The following SPATA7 variants were observed in gnomAD, a reference collection of about 807,000 sequenced individuals.
SPATA7 encodes the protein spermatogenesis-associated protein 7.
A neutral mutation model predicts 51.8 loss-of-function variants in SPATA7; 43 were observed. The ratio of observed to expected loss-of-function variants is 0.83; its 90% CI spans 0.65 to 1.07. The LOEUF (loss-of-function observed/expected upper bound fraction) is 1.07. Ranked by LOEUF, SPATA7 falls within the 50% of genes least tolerant of loss-of-function variation. SPATA7 has a pLI of 0.00. For synonymous variants in SPATA7, 230 were observed against 252.8 expected, an observed-to-expected ratio of 0.91 and a Z score of 0.86; for missense variants, 683 against 701.3, an observed-to-expected ratio of 0.97 and a Z score of 0.30.
rs2077235155 is a variant in SPATA7, at chr14:88,449,311, A to G, written c.178-5749A>G. Reference sequence around the variant, plus strand: ...CAGTTCAAAGAATTTTTTAATTTCCATCTTGATTTCATTGTTGACCCAGTG... The same window carrying G: ...CAGTTCAAAGAATTTTTTAATTTCCGTCTTGATTTCATTGTTGACCCAGTG... On this transcript the variant is annotated intron_variant, in intron 3 of 3. Coordinates refer to the SPATA7 transcript ENST00000554802. 2.0e-5 allele frequency among the ~76,000 whole-genome samples: 3 copies of G among 152,140 alleles called. No individual in the cohort carries two copies. In the South Asian group the frequency reaches 6.2e-4, roughly 31 times the overall value.
chr14:88,432,205 ATGT>A (rs1484326432), intron 9 of SPATA7, among the ~76,000 whole-genome samples: 21 of 152,064 alleles, frequency 1.4e-4, no homozygotes, highest in African/African-American at 4.3e-4. Context: ...GTAGATTTTA[ATGT>A]TGTTTTAATT....
At chr14:88,416,603 TATCATAACATTTTA>T in intron 4 of SPATA7, 94 bp from the exon 5 acceptor site, 1 of 1,054,706 alleles carries the variant, frequency 9.5e-7, no homozygotes, top group South Asian at 1.4e-5. Context: ...TTTATTTACA[TATCATAACATTTTA>T]ACAAGAAAAA....
intron 4 of SPATA7, chr14:88,468,350 A>G (rs1447008128): frequency 1.5e-6 from 2 of 1,361,566 alleles, no homozygotes; most frequent in Non-Finnish European, 2.0e-6. Context: ...CCTGGCAGAA[A>G]CCTGGTTGGG....
At chr14:88,434,667 C>A in intron 10 of SPATA7, among the ~76,000 whole-genome samples, 1 of 132,670 alleles carries the variant, frequency 7.5e-6, no homozygotes, top group Admixed American at 8.6e-5. Flanking sequence ...TCTTGGGCGA[C>A]AGAGTGAGAC....
At chr14:88,461,356 C>T (rs918111887) in intron 4 of SPATA7, among the ~76,000 whole-genome samples, 6 of 152,222 alleles carry the variant, frequency 3.9e-5, no homozygotes, top group Non-Finnish European at 8.8e-5. Context: ...GTGGGCTCCA[C>T]CCAGTTCGAG....
chr14:88,432,876 C>CT, intron 9 of SPATA7: 1 of 364,762 alleles, frequency 2.7e-6, no homozygotes, highest in Non-Finnish European at 4.9e-6. Context: ...TTTAATTCTG[C>CT]TTGTTTTTTA....
At chr14:88,452,222 A>G (rs180918750) in intron 3 of SPATA7, among the ~76,000 whole-genome samples, 2 of 152,268 alleles carry the variant, frequency 1.3e-5, no homozygotes, top group East Asian at 3.9e-4. Context: ...AGGGCTACCA[A>G]GCTCTGGGCT....
At chr14:88,446,751 C>G (rs1471568374) in intron 3 of SPATA7, among the ~76,000 whole-genome samples, 1 of 152,140 alleles carries the variant, frequency 6.6e-6, no homozygotes, top group Non-Finnish European at 1.5e-5. Flanking sequence ...ACCCAGTAGT[C>G]ATTCAGGAGC....
chr14:88,437,721 GGGT>G, intron 11 of SPATA7, 114 bp from the exon 12 acceptor site: 1 of 1,321,060 alleles, frequency 7.6e-7, no homozygotes, highest in Non-Finnish European at 1.0e-6. Context: ...ACTTTTTTGA[GGGT>G]GGTGGTGGGA....
chr14:88,397,411 G>A (rs1456517706), intron 4 of SPATA7, among the ~76,000 whole-genome samples: 2 of 149,632 alleles, frequency 1.3e-5, no homozygotes, highest in Non-Finnish European at 1.5e-5. Context: ...GGGAGACAGA[G>A]GCAAGTGGAT....
intron 4 of SPATA7, among the ~76,000 whole-genome samples, chr14:88,399,112 TAAATG>T (rs2075986329): frequency 6.6e-6 from 1 of 151,326 alleles, no homozygotes; most frequent in South Asian, 2.1e-4. Context: ...TGCTAAATGA[TAAATG>T]AATAAAAGCA....
intron 5 of SPATA7, among the ~76,000 whole-genome samples, chr14:88,425,979 T>C (rs1353995839): frequency 1.3e-5 from 2 of 152,214 alleles, no homozygotes; most frequent in Non-Finnish European, 2.9e-5. Flanking sequence ...ATCCCAAATA[T>C]AGATATGTTA....
chr14:88,467,965 G>T, intron 4 of SPATA7: 1 of 873,002 alleles, frequency 1.1e-6, no homozygotes, highest in Non-Finnish European at 1.8e-6. Flanking sequence ...CCCCTCTTCA[G>T]CCTGTGCTTC....
downstream of SPATA7, among the ~76,000 whole-genome samples, chr14:88,457,811 C>T (rs2077294069): frequency 6.6e-6 from 1 of 152,174 alleles, no homozygotes; most frequent in Non-Finnish European, 1.5e-5. Context: ...TGCCAGTTTT[C>T]AAAGGGAATG....
intron 9 of SPATA7, chr14:88,432,879 G>GT: frequency 5.4e-6 from 2 of 373,576 alleles, no homozygotes; most frequent in Non-Finnish European, 9.6e-6. Context: ...AATTCTGCTT[G>GT]TTTTTTACTG....
rs764422619 is a variant in SPATA7 at position 88,437,908 on chromosome 14, A to G, written c.1286A>G (p.Lys429Arg). The change falls in exon 12 of 12, where the codon AAG (lysine) becomes AGG (arginine). Residue 429 changes from lysine to arginine, a missense_variant. By Grantham distance (26) the Lys-to-Arg change is conservative. Transcript: ENST00000393545. ...LGCTSEENSV[K>R]QNDVDMLNVF... ...TGCACATCGGAGGAAAACTCGGTAAAGCAAAATGATGTTGATATGTTGAAT... is the reference window on the plus strand; with the variant it reads ...TGCACATCGGAGGAAAACTCGGTAAGGCAAAATGATGTTGATATGTTGAAT... 1.7e-5 allele frequency: 27 copies of G among 1,611,814 alleles called. No homozygotes were observed. The highest frequency in any genetic ancestry group is 2.3e-5 in the Non-Finnish European group (27 of 1,178,742).
At position 88,429,470 on chromosome 14, in the gene SPATA7, A is replaced by G. The variant is rs373055175; in HGVS notation, c.1028+7A>G. 6.5e-6 allele frequency: 10 copies of G among 1,545,798 alleles called. 1 individual carries two copies. The South Asian group carries it at 9.0e-5, about 14-fold the overall frequency. ...TTCAGCATTCCTCACCAAGGTAAAC[A>G]GTTCACAGGAGAAATAATTTCAACT... On this transcript the variant is annotated splice_region_variant and intron_variant, in intron 8 of 11. Coordinates refer to ENST00000393545, the MANE Select transcript of SPATA7 (RefSeq NM_018418.5).
intron 4 of SPATA7, among the ~76,000 whole-genome samples, chr14:88,409,556 A>AT (rs1234514394): frequency 6.6e-6 from 1 of 151,862 alleles, no homozygotes; most frequent in Admixed American, 6.6e-5. Flanking sequence ...GGATTTATTG[A>AT]TTTTTTGAAG....
rs1361509726 is a variant in SPATA7, at chr14:88,431,206, A to G, written c.1063A>G (p.Thr355Ala). The G allele has an allele frequency of 1.2e-6, 2 of 1,613,652 alleles. No homozygotes were observed. The highest frequency in any genetic ancestry group is 1.7e-6 in the Non-Finnish European group (2 of 1,179,720). Reference sequence around the variant, plus strand: ...TCAGTATTCCCTGAAGCCCCCTTCAACTCGTAAAATCTACTCTGAGTAAGA... The same window carrying G: ...TCAGTATTCCCTGAAGCCCCCTTCAGCTCGTAAAATCTACTCTGAGTAAGA... ...MCQYSLKPPS[T>A]RKIYSDEEEL... Residue 355 changes from threonine to alanine, a missense_variant, in exon 9 of 12, where the codon ACT (threonine) becomes GCT (alanine). Thr to Ala is a moderately conservative substitution (Grantham distance 58). Transcript: ENST00000393545.
Sources: allele counts gnomAD v4.1 joint callset (sites outside exome capture counted in the v4.1 genomes callset), GRCh38; gene constraint gnomAD v4.1.1; transcripts MANE v1.5; gene names NCBI Gene and HGNC (gene_info 2026-07-23, HGNC 2026-07-21).